The following LDHAL6A variants were observed in gnomAD, a reference collection of about 807,000 sequenced individuals.
LDHAL6A encodes L-lactate dehydrogenase A-like 6A.
A neutral mutation model predicts 28.2 loss-of-function variants in LDHAL6A; 19 were observed. The observed-to-expected ratio is 0.67, with a 90% CI of 0.47 to 0.99. The LOEUF (loss-of-function observed/expected upper bound fraction) is 0.99, where lower values mean the gene tolerates loss of function less well. LDHAL6A is among the 50% of genes least tolerant of loss of function. The pLI is 0.00. For synonymous variants in LDHAL6A, 144 were observed against 134.4 expected (o/e 1.07, Z -0.49); for missense variants, 372 against 398.6 (o/e 0.93, Z 0.57).
Position 18,467,963 on chromosome 11 carries a change from ATATACG to A in LDHAL6A, c.418+2158_418+2163del, listed in dbSNP as rs1431855588. On this transcript the variant is annotated intron_variant, in intron 3 of 6. Transcript: ENST00000280706. ...CACACACATATATATATACGTATAT[ATATACG>A]TATATATATACGTATATATATGCAT... Among the ~76,000 whole-genome samples the A allele has an allele frequency of 1.4e-3, 32 of 22,266 alleles. 4 individuals carry two copies. Among genetic ancestry groups the A allele is most frequent in the African/African-American group, 2.6e-3 (25 of 9,694 alleles). 14.6% of individuals were successfully genotyped at this position (22,266 alleles called of 152,430 possible).
At chr11:18,475,441 C>A in intron 3 of LDHAL6A, 25 bp from the exon 4 acceptor site, 1 of 1,574,308 alleles carries the variant, frequency 6.4e-7, no homozygotes, top group South Asian at 1.1e-5. Flanking sequence ...GAGGACATTT[C>A]TTGATATGAA....
chr11:18,456,921 G>T (rs1225630618), intron 1 of LDHAL6A, 115 bp downstream of exon 1: 2 of 1,099,366 alleles, frequency 1.8e-6, no homozygotes, highest in Non-Finnish European at 2.5e-6. Flanking sequence ...AGTGTGAGGG[G>T]CATCAGAGGA....
At chr11:18,478,588 T>C (rs1420769710) in intron 6 of LDHAL6A, 118 bp from the exon 7 acceptor site, 1 of 797,300 alleles carries the variant, frequency 1.3e-6, no homozygotes, top group Non-Finnish European at 2.0e-6. Flanking sequence ...TTCTCTGCCT[T>C]GGTACTCTGC....
At chr11:18,475,027 G>GGTC (rs1849338064) in intron 3 of LDHAL6A, among the ~76,000 whole-genome samples, 1 of 152,176 alleles carries the variant, frequency 6.6e-6, no homozygotes, top group African/African-American at 2.4e-5. Context: ...AATCACCTGA[G>GGTC]GTCAGGAGTT....
At chr11:18,463,014 C>G (rs991747930) in intron 1 of LDHAL6A, among the ~76,000 whole-genome samples, 76 of 151,558 alleles carry the variant, frequency 5.0e-4, no homozygotes, top group African/African-American at 1.6e-3. Context: ...AAAGTAGCAT[C>G]ATAGAAATTA....
intron 4 of LDHAL6A, among the ~76,000 whole-genome samples, chr11:18,476,055 C>A (rs187912353): frequency 2.1e-4 from 32 of 152,152 alleles, no homozygotes; most frequent in Admixed American, 3.9e-4. Context: ...TTTTTGTCCC[C>A]CCTTAGTGTC....
intron 3 of LDHAL6A, among the ~76,000 whole-genome samples, chr11:18,473,963 G>T (rs1469379897): frequency 6.6e-6 from 1 of 152,150 alleles, no homozygotes; most frequent in East Asian, 1.9e-4. Context: ...CAGTTAAAAT[G>T]ATCATATCTA....
intron 2 of LDHAL6A, among the ~76,000 whole-genome samples, chr11:18,464,983 T>TTTG (rs1554967038): frequency 0.02 from 2,745 of 137,768 alleles, 208 homozygotes; most frequent in African/African-American, 0.077. Context: ...TTTTGTTTTT[T>TTTG]TTTGTTTTGT....
At chr11:18,476,308 C>T in intron 4 of LDHAL6A, 76 bp from the exon 5 acceptor site, 2 of 1,506,846 alleles carry the variant, frequency 1.3e-6, no homozygotes, top group Non-Finnish European at 1.8e-6. Context: ...GCAATTATAA[C>T]AGTTTTGCTG....
chr11:18,467,874 TACAC>T (rs1170879155), intron 3 of LDHAL6A, among the ~76,000 whole-genome samples: 2,379 of 36,780 alleles, frequency 0.065, 135 homozygotes, highest in Non-Finnish European at 0.072. Flanking sequence ...TATATATATA[TACAC>T]ACATATATAT....
chr11:18,464,977 G>GTTTGTTT (rs1849013732), intron 2 of LDHAL6A, among the ~76,000 whole-genome samples: 10 of 125,486 alleles, frequency 8.0e-5, no homozygotes, highest in African/African-American at 3.0e-4. Flanking sequence ...TGTTTTTTTT[G>GTTTGTTT]TTTTTTTTTG....
chr11:18,464,421 TAA>T (rs1427419646), intron 2 of LDHAL6A, among the ~76,000 whole-genome samples: 1 of 152,162 alleles, frequency 6.6e-6, no homozygotes, highest in Non-Finnish European at 1.5e-5. Flanking sequence ...TAAGGTTAAT[TAA>T]AAGTGATAGG....
At chr11:18,477,194 C>T (rs1156639387) in intron 5 of LDHAL6A, among the ~76,000 whole-genome samples, 1 of 151,850 alleles carries the variant, frequency 6.6e-6, no homozygotes, top group African/African-American at 2.4e-5. Flanking sequence ...GCTCATGCCT[C>T]ATGCCTCTAA....
At chr11:18,459,400 C>T (rs191274248) in intron 1 of LDHAL6A, among the ~76,000 whole-genome samples, 194 of 152,292 alleles carry the variant, frequency 1.3e-3, no homozygotes, top group African/African-American at 4.2e-3. Flanking sequence ...CAGGGACTCT[C>T]GGGCCTTTGG....
chr11:18,470,187 G>T (rs564835007), intron 3 of LDHAL6A, among the ~76,000 whole-genome samples: 8 of 152,294 alleles, frequency 5.3e-5, no homozygotes, highest in African/African-American at 1.9e-4. Context: ...GGCCTCCCAA[G>T]GTGCTGGGAT....
At chr11:18,472,432 T>C (rs1195076111) in intron 3 of LDHAL6A, among the ~76,000 whole-genome samples, 1 of 152,202 alleles carries the variant, frequency 6.6e-6, no homozygotes, top group Non-Finnish European at 1.5e-5. Context: ...TTAATGGAAA[T>C]ATTACCTGTT....
intron 1 of LDHAL6A, among the ~76,000 whole-genome samples, chr11:18,460,243 A>C (rs1848863249): frequency 6.6e-6 from 1 of 152,070 alleles, no homozygotes; most frequent in Non-Finnish European, 1.5e-5. Flanking sequence ...AGACCAGCCT[A>C]GGCAACAAAG....
chr11:18,477,078 A>AT, intron 5 of LDHAL6A, among the ~76,000 whole-genome samples: 1 of 151,764 alleles, frequency 6.6e-6, no homozygotes, highest in South Asian at 2.1e-4. Context: ...AGCTGAGCAT[A>AT]TGGTGGCTTG....
At chr11:18,477,002 C>T (rs2133892411) in intron 5 of LDHAL6A, among the ~76,000 whole-genome samples, 1 of 150,710 alleles carries the variant, frequency 6.6e-6, no homozygotes, top group East Asian at 2.0e-4. Context: ...TCACTTGAGC[C>T]CAGGAGTATG....
Sources: gnomAD v4.1 joint callset for allele counts (sites outside exome capture counted in the v4.1 genomes callset) on GRCh38, gnomAD v4.1.1 for gene constraint, MANE v1.5 for transcripts, NCBI Gene and HGNC (gene_info 2026-07-23, HGNC 2026-07-21) for gene names.